TAFA4: variants seen among roughly 807,000 people sequenced by gnomAD.
The protein encoded by TAFA4 is TAFA chemokine like family member 4.
Under a neutral mutation model 21.1 loss-of-function variants are expected in TAFA4, and 20 were observed. The ratio of observed to expected loss-of-function variants is 0.95; its 90% CI spans 0.67 to 1.38. TAFA4 has a LOEUF of 1.38. Among genes scored for constraint, TAFA4 ranks in the 40% most tolerant of loss-of-function variants. TAFA4 has a pLI of 0.00. For missense variants in TAFA4, 211 were observed against 180.9 expected (o/e 1.17, Z -0.95); for synonymous variants, 71 against 67.4 (o/e 1.05, Z -0.26).
At chr3:68,854,208 T>G (rs527628879) in intron 3 of TAFA4, among the ~76,000 whole-genome samples, 1 of 152,010 alleles carries the variant, frequency 6.6e-6, no homozygotes, top group South Asian at 2.1e-4. Context: ...GAAAGAGGGC[T>G]CCAGGTGGAG....
At chr3:68,863,668 T>A (rs2089380385) in intron 3 of TAFA4, among the ~76,000 whole-genome samples, 1 of 152,184 alleles carries the variant, frequency 6.6e-6, no homozygotes, top group Non-Finnish European at 1.5e-5. Flanking sequence ...GCTTCTGGGT[T>A]GATATTCTTA....
chr3:68,807,304 T>C (rs771348126), intron 3 of TAFA4, among the ~76,000 whole-genome samples: 56 of 152,306 alleles, frequency 3.7e-4, no homozygotes, highest in South Asian at 1.2e-3. Context: ...CTGAAGCTGA[T>C]AGTTCATGTC....
intron 3 of TAFA4, among the ~76,000 whole-genome samples, chr3:68,763,024 C>T (rs988860114): frequency 5.3e-5 from 8 of 152,182 alleles, no homozygotes; most frequent in Non-Finnish European, 1.2e-4. Context: ...GGCAACAGAG[C>T]GAGACTCCTT....
At chr3:68,810,639 T>C (rs1480882982) in intron 3 of TAFA4, among the ~76,000 whole-genome samples, 2 of 152,056 alleles carry the variant, frequency 1.3e-5, no homozygotes, top group East Asian at 1.9e-4. Flanking sequence ...GCGCCCACCA[T>C]TGCCGAGGCT....
chr3:68,838,026 A>C (rs1381000681), intron 3 of TAFA4, among the ~76,000 whole-genome samples: 1 of 152,146 alleles, frequency 6.6e-6, no homozygotes, highest in Non-Finnish European at 1.5e-5. Flanking sequence ...GAGAACACTT[A>C]AAATCTACTC....
intron 3 of TAFA4, among the ~76,000 whole-genome samples, chr3:68,837,980 CAT>C (rs1191138992): frequency 6.6e-6 from 1 of 152,000 alleles, no homozygotes; most frequent in Non-Finnish European, 1.5e-5. Flanking sequence ...AGCTAATTAA[CAT>C]ATGCATTGCC....
At chr3:68,766,064 C>G (rs561042806) in intron 3 of TAFA4, among the ~76,000 whole-genome samples, 160 of 151,974 alleles carry the variant, frequency 1.1e-3, no homozygotes, top group African/African-American at 3.7e-3. Context: ...AAAGATAGAA[C>G]TAGAGAATGG....
intron 3 of TAFA4, among the ~76,000 whole-genome samples, chr3:68,877,263 G>A (rs1424314918): frequency 6.6e-6 from 1 of 152,130 alleles, no homozygotes; most frequent in East Asian, 1.9e-4. Flanking sequence ...GGAGGCTGAG[G>A]CAGGAGAATC....
chr3:68,919,979 G>A (rs1333824271), intron 1 of TAFA4, among the ~76,000 whole-genome samples: 1 of 152,180 alleles, frequency 6.6e-6, no homozygotes, highest in Non-Finnish European at 1.5e-5. Flanking sequence ...GGTACCAAGA[G>A]ATTGTAATTA....
chr3:68,804,938 C>T (rs932521645), intron 3 of TAFA4, among the ~76,000 whole-genome samples: 1 of 152,048 alleles, frequency 6.6e-6, no homozygotes, highest in East Asian at 1.9e-4. Flanking sequence ...GCAACAAAAG[C>T]CAAAATTGAC....
chr3:68,810,875 T>G (rs1575618885), intron 3 of TAFA4, among the ~76,000 whole-genome samples: 1 of 152,208 alleles, frequency 6.6e-6, no homozygotes, highest in South Asian at 2.1e-4. Flanking sequence ...GACTGCAACC[T>G]CAAGTGGGTC....
chr3:68,918,445 G>A (rs944168829), intron 1 of TAFA4, among the ~76,000 whole-genome samples: 4 of 152,146 alleles, frequency 2.6e-5, no homozygotes, highest in Admixed American at 6.5e-5. Context: ...TTCTAAAAAT[G>A]TCTTTCAAGA....
chr3:68,779,741 AG>A (rs1185332250), intron 3 of TAFA4, among the ~76,000 whole-genome samples: 1 of 152,220 alleles, frequency 6.6e-6, no homozygotes, highest in African/African-American at 2.4e-5. Context: ...AGTTTGCTGC[AG>A]GGGCGGGGCC....
intron 4 of TAFA4, 76 bp from the exon 5 acceptor site, chr3:68,739,275 G>C: frequency 1.3e-6 from 2 of 1,543,208 alleles, no homozygotes; most frequent in Non-Finnish European, 1.8e-6. Flanking sequence ...ACTCAATACA[G>C]AGTAGTACAC....
chr3:68,828,819 G>A (rs184254043), intron 3 of TAFA4, among the ~76,000 whole-genome samples: 287 of 152,228 alleles, frequency 1.9e-3, no homozygotes, highest in Non-Finnish European at 3.4e-3. Context: ...CGTGTCATGT[G>A]CAAACAGAGA....
intron 3 of TAFA4, among the ~76,000 whole-genome samples, chr3:68,842,192 A>G (rs566780732): frequency 6.6e-6 from 1 of 152,160 alleles, no homozygotes; most frequent in East Asian, 1.9e-4. Context: ...ATTTCTCCAC[A>G]TCCCCTCCAG....
At chr3:68,762,436 T>C (rs552128624) in intron 3 of TAFA4, among the ~76,000 whole-genome samples, 2 of 152,140 alleles carry the variant, frequency 1.3e-5, no homozygotes, top group Non-Finnish European at 2.9e-5. Context: ...GAAAATCTCA[T>C]AGAGATGTCT....
At chr3:68,929,364 G>C (rs764572141) in intron 1 of TAFA4, among the ~76,000 whole-genome samples, 3 of 152,158 alleles carry the variant, frequency 2.0e-5, no homozygotes, top group Admixed American at 2.0e-4. Context: ...TGCCTGAATC[G>C]TGAATCTTGT....
intron 3 of TAFA4, among the ~76,000 whole-genome samples, chr3:68,783,736 A>AGAAAGAAAGAAAGAAAGAAT (rs1703197000): frequency 6.6e-6 from 1 of 151,222 alleles, no homozygotes; most frequent in Non-Finnish European, 1.5e-5. Context: ...AAAGAAAGAA[A>AGAAAGAAAGAAAGAAAGAAT]GAAAGAAAGT....
Sources: gnomAD v4.1 joint callset for allele counts (sites outside exome capture counted in the v4.1 genomes callset) on GRCh38, gnomAD v4.1.1 for gene constraint, MANE v1.5 for transcripts, NCBI Gene and HGNC (gene_info 2026-07-23, HGNC 2026-07-21) for gene names.